Variants in ATRN observed in about 807,000 individuals in gnomAD.
ATRN encodes attractin.
Under a neutral mutation model 178.7 loss-of-function variants are expected in ATRN, and 54 were observed. The ratio of observed to expected loss-of-function variants is 0.30; its 90% confidence interval spans 0.24 to 0.38. The LOEUF is 0.38. Ranked by LOEUF, ATRN falls within the 10% of genes least tolerant of loss-of-function variation. The pLI is 1.00. For synonymous variants in ATRN, 636 were observed against 663.0 expected (o/e 0.96, Z 0.63); for missense variants, 1,443 against 1,815.1 (o/e 0.79, Z 3.73).
chr20:3,542,967 AG>A (rs1256783323), intron 3 of ATRN, among the ~76,000 whole-genome samples: 8 of 152,084 alleles, frequency 5.3e-5, no homozygotes, highest in Non-Finnish European at 1.2e-4. Flanking sequence ...ACCTGTTTCC[AG>A]GTGGCCCTGA....
chr20:3,524,148 G>A (rs546161836), intron 1 of ATRN, among the ~76,000 whole-genome samples: 4 of 151,278 alleles, frequency 2.6e-5, no homozygotes, highest in African/African-American at 9.7e-5. Flanking sequence ...TCGGTGTGCT[G>A]TATTTAGGAG....
intron 26 of ATRN, among the ~76,000 whole-genome samples, chr20:3,635,462 C>T (rs2087018813): frequency 6.6e-6 from 1 of 152,152 alleles, no homozygotes; most frequent in Non-Finnish European, 1.5e-5. Flanking sequence ...CTTTCACTTG[C>T]ATCATTACTT....
intron 1 of ATRN, among the ~76,000 whole-genome samples, chr20:3,512,188 T>A (rs1428064888): frequency 6.7e-6 from 1 of 150,234 alleles, no homozygotes; most frequent in East Asian, 1.9e-4. Context: ...ACATGTGCCA[T>A]GTTGGTGTGC....
At chr20:3,576,346 G>C (rs2086208564) in intron 13 of ATRN, among the ~76,000 whole-genome samples, 1 of 151,884 alleles carries the variant, frequency 6.6e-6, no homozygotes, top group South Asian at 2.1e-4. Flanking sequence ...AAATCTCCTT[G>C]TTTTATATCT....
chr20:3,506,450 C>G (rs1358133422), intron 1 of ATRN, among the ~76,000 whole-genome samples: 2 of 151,910 alleles, frequency 1.3e-5, no homozygotes, highest in African/African-American at 4.8e-5. Context: ...ATGGTGAAAC[C>G]CTGTCTCTAC....
At chr20:3,492,197 G>GTGTA (rs2084804113) in intron 1 of ATRN, among the ~76,000 whole-genome samples, 1 of 151,454 alleles carries the variant, frequency 6.6e-6, no homozygotes, top group Non-Finnish European at 1.5e-5. Flanking sequence ...GTGTGTGTGT[G>GTGTA]TGTGTGTATC....
intron 1 of ATRN, among the ~76,000 whole-genome samples, chr20:3,524,124 A>G (rs1341104798): frequency 1.3e-5 from 2 of 152,136 alleles, no homozygotes; most frequent in African/African-American, 4.8e-5. Context: ...AATTGGATAA[A>G]GAGTCAAGAC....
At chr20:3,536,240 G>A (rs1049816740) in intron 2 of ATRN, among the ~76,000 whole-genome samples, 7 of 151,448 alleles carry the variant, frequency 4.6e-5, no homozygotes, top group African/African-American at 1.7e-4. Context: ...ATGTCATCTC[G>A]CTCTGTGGCC....
At chr20:3,481,978 C>A (rs1229569268) in intron 1 of ATRN, among the ~76,000 whole-genome samples, 2 of 151,580 alleles carry the variant, frequency 1.3e-5, no homozygotes, top group South Asian at 2.1e-4. Flanking sequence ...ACATAAGTAA[C>A]CTCCCTTGAC....
At chr20:3,491,373 T>G (rs1256454922) in intron 1 of ATRN, among the ~76,000 whole-genome samples, 1 of 152,228 alleles carries the variant, frequency 6.6e-6, no homozygotes, top group East Asian at 1.9e-4. Flanking sequence ...TCTCTGGCCT[T>G]GTCTTACTAA....
At chr20:3,501,175 G>A (rs934191956) in intron 1 of ATRN, among the ~76,000 whole-genome samples, 1 of 152,156 alleles carries the variant, frequency 6.6e-6, no homozygotes, top group Non-Finnish European at 1.5e-5. Context: ...TATTGGATTG[G>A]TGCTCTGGAT....
intron 25 of ATRN, among the ~76,000 whole-genome samples, chr20:3,625,653 T>C (rs2086932233): frequency 6.6e-6 from 1 of 152,162 alleles, no homozygotes; most frequent in Non-Finnish European, 1.5e-5. Context: ...AGGTGCTCTC[T>C]TGGTTTGAAT....
intron 15 of ATRN, among the ~76,000 whole-genome samples, chr20:3,581,223 G>C (rs2086278882): frequency 6.6e-6 from 1 of 152,198 alleles, no homozygotes; most frequent in Non-Finnish European, 1.5e-5. Flanking sequence ...CTGCACTCCA[G>C]CATGGGCAAC....
chr20:3,519,390 G>A (rs924136283), intron 1 of ATRN, among the ~76,000 whole-genome samples: 3 of 152,268 alleles, frequency 2.0e-5, no homozygotes, highest in Admixed American at 6.5e-5. Context: ...AGAGTTAAAT[G>A]TACTTTTTCA....
At chr20:3,503,214 A>C (rs1277955383) in intron 1 of ATRN, among the ~76,000 whole-genome samples, 1 of 152,218 alleles carries the variant, frequency 6.6e-6, no homozygotes, top group Non-Finnish European at 1.5e-5. Flanking sequence ...AAGTAGACCA[A>C]GATACTCGTG....
chr20:3,643,103 G>A (rs1279990985), intron 27 of ATRN, among the ~76,000 whole-genome samples: 3 of 152,172 alleles, frequency 2.0e-5, no homozygotes, highest in Non-Finnish European at 4.4e-5. Context: ...TGGGATTACA[G>A]GTGTGAGCCA....
At chr20:3,620,716 A>G (rs1478062605) in intron 24 of ATRN, among the ~76,000 whole-genome samples, 1 of 152,234 alleles carries the variant, frequency 6.6e-6, no homozygotes, top group Non-Finnish European at 1.5e-5. Flanking sequence ...TTGGAATACA[A>G]AAGTGTATCT....
At chr20:3,592,724 G>A (rs537823749) in intron 19 of ATRN, among the ~76,000 whole-genome samples, 35 of 152,272 alleles carry the variant, frequency 2.3e-4, no homozygotes, top group African/African-American at 8.2e-4. Context: ...CGTTCTAGCT[G>A]TGTGTCCCTT....
chr20:3,502,505 G>A (rs2084978011), intron 1 of ATRN, among the ~76,000 whole-genome samples: 1 of 152,138 alleles, frequency 6.6e-6, no homozygotes, highest in African/African-American at 2.4e-5. Flanking sequence ...CAGAGTGCAG[G>A]CTAGGTAGGT....
Sources: gnomAD v4.1 joint callset for allele counts (sites outside exome capture counted in the v4.1 genomes callset) on GRCh38, gnomAD v4.1.1 for gene constraint, MANE v1.5 for transcripts, NCBI Gene and HGNC (gene_info 2026-07-23, HGNC 2026-07-21) for gene names.